The following ANKRD35 variants were observed in gnomAD, a reference collection of about 807,000 sequenced individuals.
ANKRD35 encodes the protein ankyrin repeat domain 35.
In ANKRD35, 102 loss-of-function variants were observed where a neutral mutation model predicts 109.9. The observed-to-expected ratio is 0.93, with a 90% confidence interval of 0.79 to 1.09. The LOEUF is 1.09. Among genes scored for constraint, ANKRD35 ranks in the 50% least tolerant of loss-of-function variants. The pLI, the probability that ANKRD35 is intolerant of heterozygous loss-of-function variation, is 0.00. For missense variants in ANKRD35, 1,240 were observed against 1,230.1 expected, an observed-to-expected ratio of 1.01 and a Z score of -0.12; for synonymous variants, 515 against 512.4, an observed-to-expected ratio of 1.01 and a Z score of -0.07.
intron 3 of ANKRD35, 77 bp downstream of exon 3, chr1:145,878,314 A>C: frequency 1.4e-6 from 2 of 1,390,028 alleles, no homozygotes; most frequent in Non-Finnish European, 2.0e-6. Context: ...AATGTCCAGC[A>C]GGGCCCAGCA....
intron 9 of ANKRD35, 21 bp from the exon 10 acceptor site, chr1:145,874,006 TAA>T: frequency 6.2e-7 from 1 of 1,612,796 alleles, no homozygotes; most frequent in South Asian, 1.1e-5. Flanking sequence ...AACAGAATAG[TAA>T]AGTGTGGCCA....
rs781787161 is a variant in ANKRD35 at position 145,872,071 on chromosome 1, C to T, written c.2698G>A (p.Gly900Arg). 6.2e-7 allele frequency: 1 copy of T among 1,613,496 alleles called. No individual in the cohort carries two copies. The highest frequency in any genetic ancestry group is 1.7e-5 in the Admixed American group (1 of 60,014). The change falls in exon 10 of 14, where the codon GGG becomes AGG. Residue 900 changes from glycine to arginine, a missense_variant. Physicochemically the swap from Gly to Arg is moderately radical, Grantham distance 125 (BLOSUM62 -2). Transcript: ENST00000355594. ...GTTTTCTCAAACTGCTCGGAGCGCC[C>T]CCGCATCTCGCTGGCCTGGCGCTCT... ...EQERQASEMR[G>R]RSEQFEKTAE...
Position 145,873,458 on chromosome 1 carries a change from C to T in ANKRD35, c.1311G>A (p.Arg437=), listed in dbSNP as rs1553739365. The T allele has an allele frequency of 3.1e-6, 5 of 1,613,942 alleles. No homozygotes were observed. Among genetic ancestry groups the T allele is most frequent in the Non-Finnish European group, 4.2e-6 (5 of 1,179,930 alleles). ...TAGTCAGTTGCTGTCCTGTGGCTTTCCTGATGGTCTCAGACGCTGGGCTCT... is the reference window on the plus strand; with the variant it reads ...TAGTCAGTTGCTGTCCTGTGGCTTTTCTGATGGTCTCAGACGCTGGGCTCT... ...PPQSPASETI[R]KATGQQLTTN... The change falls in exon 10 of 14, where the codon AGG becomes AGA. Residue 437 remains arginine (R), a synonymous_variant. Transcript: ENST00000355594.
chr1:145,879,557 T>C (rs1654213933), intron 1 of ANKRD35, among the ~76,000 whole-genome samples, 169 bp from the exon 2 acceptor site: 1 of 152,154 alleles, frequency 6.6e-6, no homozygotes, highest in Non-Finnish European at 1.5e-5. Context: ...CCTAGCTAAA[T>C]CTTAACCAGC....
intron 8 of ANKRD35, 61 bp downstream of exon 8, chr1:145,874,761 T>C: frequency 2.0e-6 from 3 of 1,468,486 alleles, no homozygotes; most frequent in East Asian, 4.9e-5. Flanking sequence ...TGGAAACAAA[T>C]GGGACTCTAA....
chr1:145,872,435 T>A lies in ANKRD35; in HGVS notation c.2334A>T (p.Gln778His). Residue 778 changes from glutamine to histidine, a missense_variant, in exon 10 of 14, where the codon CAA becomes CAT. Coordinates refer to ENST00000355594, the MANE Select transcript of ANKRD35 (RefSeq NM_144698.5). ...GTSLKAPASP[Q>H]VAALEQDLGK... ...CCAGGTCTTGCTCCAGAGCGGCCAC[T>A]TGGGGGGATGCTGGGGCCTTTAAGG... 6.2e-7 allele frequency: 1 copy of A among 1,611,650 alleles called. No homozygotes were observed. Among genetic ancestry groups the A allele is most frequent in the Non-Finnish European group, 8.5e-7 (1 of 1,179,326 alleles).
At chr1:145,882,016 G>A (rs1228911087) in intron 1 of ANKRD35, among the ~76,000 whole-genome samples, 43 of 137,886 alleles carry the variant, frequency 3.1e-4, no homozygotes, top group South Asian at 9.4e-4. Context: ...GTGCAGTGGC[G>A]TGGTCTCGGC....
At chr1:145,869,300 G>C (rs1159479746) in intron 10 of ANKRD35, among the ~76,000 whole-genome samples, 1 of 151,964 alleles carries the variant, frequency 6.6e-6, no homozygotes, top group African/African-American at 2.4e-5. Context: ...TCCTGCCTCA[G>C]CCTCCCAAGA....
At chr1:145,868,116 G>C in intron 11 of ANKRD35, 60 bp from the exon 12 acceptor site, 1 of 1,563,450 alleles carries the variant, frequency 6.4e-7, no homozygotes, top group Non-Finnish European at 8.8e-7. Flanking sequence ...AGCATGAGGA[G>C]CAACACAATG....
intron 1 of ANKRD35, among the ~76,000 whole-genome samples, chr1:145,883,076 A>T (rs1400987096): frequency 2.4e-5 from 2 of 83,430 alleles, no homozygotes; most frequent in African/African-American, 8.3e-5. Context: ...GACAGTACCA[A>T]TTTTTTTTTT....
chr1:145,884,209 A>G (rs587675053), intron 1 of ANKRD35, among the ~76,000 whole-genome samples: 155 of 152,326 alleles, frequency 1.0e-3, no homozygotes, highest in Non-Finnish European at 1.9e-3. Flanking sequence ...GTCCATATGA[A>G]TTTCTAAAAA....
intron 1 of ANKRD35, among the ~76,000 whole-genome samples, chr1:145,881,239 T>C (rs1242985711): frequency 6.6e-6 from 1 of 152,100 alleles, no homozygotes; most frequent in East Asian, 1.9e-4. Context: ...GAGCTGAGAT[T>C]GCACCATTGC....
intron 10 of ANKRD35, among the ~76,000 whole-genome samples, chr1:145,869,838 A>T (rs60016853): frequency 6.6e-6 from 1 of 152,318 alleles, no homozygotes; most frequent in African/African-American, 2.4e-5. Context: ...AAAATCACAC[A>T]GCTAATAAGT....
rs782299634 is a variant in ANKRD35 at position 145,867,281 on chromosome 1, ACTCACAACAGAGAAT to A, written c.*34_*43+5del. 5.1e-6 allele frequency: 8 copies of A among 1,570,436 alleles called. No individual in the cohort carries two copies. The Admixed American group carries it at 6.7e-5, about 13-fold the overall frequency. On this transcript the variant is annotated splice_donor_variant and splice_donor_5th_base_variant and 3_prime_UTR_variant and intron_variant, in exon 13 of 14. Transcript: ENST00000355594. LOFTEE classifies it low-confidence loss of function (3UTR_SPLICE). ...CTTCCCTCATCACCCTTAACCCACA[ACTCACAACAGAGAAT>A]CTCGTATCCCTGAGGGCACACAGTG...
intron 10 of ANKRD35, among the ~76,000 whole-genome samples, chr1:145,869,668 C>T (rs1316534175): frequency 1.3e-5 from 2 of 151,476 alleles, no homozygotes; most frequent in Non-Finnish European, 2.9e-5. Flanking sequence ...GGGGTTTTGC[C>T]ATGTTGTCCA....
In ANKRD35 at chr1:145,872,481, G is replaced by A. The variant is rs1553738943; in HGVS notation, c.2288C>T (p.Pro763Leu). The A allele has an allele frequency of 1.9e-6, 3 of 1,597,106 alleles. No individual in the cohort carries two copies. Among genetic ancestry groups the A allele is most frequent in the Middle Eastern group, 1.7e-4 (1 of 6,038 alleles). The change falls in exon 10 of 14, where the codon CCG (proline) becomes CTG (leucine). Residue 763 changes from proline to leucine, a missense_variant. By Grantham distance (98) the Pro-to-Leu change is moderately conservative (BLOSUM62 -3). Transcript: ENST00000355594. Reference protein sequence around the residue: ...ENQQLRGSLSPCREPGTSLKA... With the variant: ...ENQQLRGSLSLCREPGTSLKA... ...TAAGGAGGTGCCTGGCTCCCTACAC[G>A]GGGACAAGGACCCCCGCAACTGCTG...
At chr1:145,871,936 A>T in intron 10 of ANKRD35, 46 bp downstream of exon 10, 1 of 1,597,274 alleles carries the variant, frequency 6.3e-7, no homozygotes, top group East Asian at 2.2e-5. Flanking sequence ...TCCCAAATAC[A>T]CAGAAACTTT....
intron 7 of ANKRD35, 47 bp from the exon 8 acceptor site, chr1:145,875,053 A>G: frequency 6.5e-7 from 1 of 1,527,242 alleles, no homozygotes; most frequent in Non-Finnish European, 8.8e-7. Flanking sequence ...CATGGAACCC[A>G]GAAGTCCTGG....
rs782273910 is a variant in ANKRD35, at chr1:145,872,547, C to G, written c.2222G>C (p.Arg741Pro). 2 of 1,608,024 alleles carry G rather than the reference C, an allele frequency of 1.2e-6. No individual in the cohort carries two copies. The highest frequency in any genetic ancestry group is 1.1e-5 in the South Asian group (1 of 90,424). The stretch of plus-strand genomic sequence containing the variant: ...CCGAGCCAGCACCTGCTGGGCCTCC[C>G]GGTGCCGATCCACCAGGGTGCTGAT... ...ACISTLVDRH[R>P]EAQQVLARLQ... Residue 741 changes from arginine to proline, a missense_variant, in exon 10 of 14, where the codon CGG (arginine) becomes CCG (proline). Arg to Pro is a moderately radical substitution (Grantham distance 103). Coordinates refer to ENST00000355594, the MANE Select transcript of ANKRD35 (RefSeq NM_144698.5).
Sources: gnomAD v4.1 joint callset for allele counts (sites outside exome capture counted in the v4.1 genomes callset) on GRCh38, gnomAD v4.1.1 for gene constraint, MANE v1.5 for transcripts, NCBI Gene and HGNC (gene_info 2026-07-23, HGNC 2026-07-21) for gene names.